UMODL1: variants seen among roughly 807,000 people sequenced by gnomAD.
UMODL1 encodes the protein uromodulin-like 1.
Under a neutral mutation model 136.3 loss-of-function variants are expected in UMODL1, and 128 were observed. That is an observed-to-expected ratio of 0.94 (90% CI 0.81 to 1.09). The LOEUF (loss-of-function observed/expected upper bound fraction) is 1.09, where lower values mean the gene tolerates loss of function less well. Among genes scored for constraint, UMODL1 ranks in the 50% least tolerant of loss-of-function variants. The probability of loss-of-function intolerance (pLI) is 0.00; values close to 1 mark genes in which losing one functional copy is unlikely to be tolerated. For synonymous variants in UMODL1, 721 were observed against 720.0 expected (o/e 1.00, Z -0.02); for missense variants, 1,766 against 1,725.6 (o/e 1.02, Z -0.41).
chr21:42,119,129 G>C lies in UMODL1; in HGVS notation c.2494G>C (p.Ala832Pro), dbSNP rs1359993807. 1.2e-6 allele frequency: 2 copies of C among 1,612,842 alleles called. No homozygotes were observed. Among genetic ancestry groups the C allele is most frequent in the African/African-American group, 2.7e-5 (2 of 74,922 alleles). ...CCCGCAGGTGCGGGGCTCCCTGCCA[G>C]CCACCATGTGTCAGCACATGGACGC... ...FFRMVRGSLP[A>P]TMCQHMDAGG... The change falls in exon 15 of 23, where the codon GCC becomes CCC. Residue 832 changes from alanine (A) to proline (P), a missense_variant. Physicochemically the swap from Ala to Pro is conservative, Grantham distance 27. Coordinates refer to ENST00000408910, the MANE Select transcript of UMODL1 (RefSeq NM_001004416.3).
rs753357342 is a variant in UMODL1 at position 42,099,055 on chromosome 21, G to A, written c.1061G>A (p.Arg354Lys). ...VRVYRGMELLRSARTQSQALA... is the reference protein window; with the variant it reads ...VRVYRGMELLKSARTQSQALA... ...GTTTACCGGGGTATGGAGTTGCTCAGGAGCGCCAGGACACAGAGCCAGGCA... is the reference window on the plus strand; with the variant it reads ...GTTTACCGGGGTATGGAGTTGCTCAAGAGCGCCAGGACACAGAGCCAGGCA... The change falls in exon 7 of 23, where the codon AGG becomes AAG. Residue 354 changes from arginine to lysine, a missense_variant. Physicochemically the swap from Arg to Lys is conservative, Grantham distance 26 (BLOSUM62 2). Coordinates refer to ENST00000408910, the MANE Select transcript of UMODL1 (RefSeq NM_001004416.3). The surrounding 1 kb of genome is among the most constrained non-coding windows in gnomAD (Gnocchi z 4.1). 10 of 1,614,092 alleles carry A rather than the reference G, an allele frequency of 6.2e-6. No homozygotes were observed. Among genetic ancestry groups the A allele is most frequent in the African/African-American group, 1.3e-5 (1 of 74,928 alleles).
At chr21:42,121,324 A>G (rs2066969255) in intron 16 of UMODL1, 100 bp downstream of exon 16, 1 of 1,443,186 alleles carries the variant, frequency 6.9e-7, no homozygotes, top group Admixed American at 2.2e-5. Flanking sequence ...CTGAGGTCAT[A>G]TTTTTATGTC....
rs549087220 is a variant in UMODL1, at chr21:42,072,874, C to T, written c.76+1482C>T. On this transcript the variant is annotated intron_variant, in intron 1 of 22. Transcript: ENST00000408910. ...CTCTGATGGCCCTTGTGGGTCTTTG[C>T]GGGATGGCAGGATCTGCTAACTGCT... Among the ~76,000 whole-genome samples the T allele has an allele frequency of 2.0e-4, 31 of 152,294 alleles. No individual in the cohort carries two copies. In the South Asian group the frequency reaches 5.4e-3, roughly 26 times the overall value.
intron 10 of UMODL1, 115 bp from the exon 11 acceptor site, chr21:42,110,765 C>A: frequency 9.4e-7 from 1 of 1,059,372 alleles, no homozygotes; most frequent in South Asian, 1.7e-5. Context: ...CGTCCCTGGC[C>A]AGGTCCACTC....
In UMODL1 at chr21:42,095,460, T is replaced by TTGTGTG. The variant is rs374448014; in HGVS notation, c.932-3454_932-3449dup. On this transcript the variant is annotated intron_variant, in intron 6 of 22. Coordinates refer to ENST00000408910, the MANE Select transcript of UMODL1 (RefSeq NM_001004416.3). ...TTCCAGCTTCATACCGCCTTCTCCT[T>TTGTGTG]TGTGTGTGTGTGTGTGTCTGTGTAT... Among the ~76,000 whole-genome samples the TTGTGTG allele has an allele frequency of 4.8e-5, 7 of 146,950 alleles. No homozygotes were observed. The South Asian group carries it at 1.3e-3, about 28-fold the overall frequency.
At chr21:42,088,533 C>G (rs940013380) in intron 5 of UMODL1, 53 bp downstream of exon 5, 4 of 1,520,180 alleles carry the variant, frequency 2.6e-6, no homozygotes, top group East Asian at 2.3e-5. Context: ...GGTGCCTGAA[C>G]AGCCAAAATG....
At chr21:42,124,885 G>A (rs1250127673) in intron 17 of UMODL1, among the ~76,000 whole-genome samples, 3 of 152,146 alleles carry the variant, frequency 2.0e-5, no homozygotes, top group African/African-American at 7.2e-5. Context: ...GTCCCTTAGC[G>A]ACCGCATGGG....
chr21:42,128,028 G>T (rs1195130709), intron 20 of UMODL1, 197 bp downstream of exon 20: 1 of 714,058 alleles, frequency 1.4e-6, no homozygotes, highest in Non-Finnish European at 2.5e-6. Context: ...GAGGACTCAT[G>T]TGGACTGGTG....
intron 1 of UMODL1, among the ~76,000 whole-genome samples, chr21:42,063,827 C>T (rs914085479): frequency 3.3e-5 from 5 of 152,176 alleles, no homozygotes; most frequent in South Asian, 2.1e-4. Flanking sequence ...GAAGCCCTTT[C>T]GGAAGCAGCC....
chr21:42,076,743 C>G (rs1016606667), intron 2 of UMODL1, among the ~76,000 whole-genome samples: 1 of 152,184 alleles, frequency 6.6e-6, no homozygotes, highest in Non-Finnish European at 1.5e-5. Flanking sequence ...GAAATGCTTT[C>G]GTAGCCAAAA....
rs940134220 is a variant in UMODL1 at position 42,082,146 on chromosome 21, G to A, written c.320-1938G>A. 2.6e-5 allele frequency among the ~76,000 whole-genome samples: 4 copies of A among 152,208 alleles called. No homozygotes were observed. In the South Asian group the frequency reaches 6.2e-4, roughly 24 times the overall value. On this transcript the variant is annotated intron_variant, in intron 2 of 22. Transcript: ENST00000408910. ...CTGGGTGAGGAGAGCGGGGATGCAG[G>A]CTCTCTGCATATTCCGTGACTCTGG...
rs1476346674 is a variant in UMODL1, at chr21:42,088,331, A to C, written c.641A>C (p.His214Pro). Residue 214 changes from histidine to proline, a missense_variant, in exon 5 of 23, where the codon CAC becomes CCC. His to Pro is a moderately conservative substitution (Grantham distance 77). Coordinates refer to ENST00000408910, the MANE Select transcript of UMODL1 (RefSeq NM_001004416.3). ...CTGCAACCAATGGCCTCCACCGTCC[A>C]CCACCTGCACTCAGCCCCTGGGAAC... ...SALQPMASTV[H>P]HLHSAPGNAS... The C allele has an allele frequency of 1.9e-6, 3 of 1,613,642 alleles. No individual in the cohort carries two copies. In the Admixed American group the frequency reaches 5.0e-5, roughly 27 times the overall value.
intron 9 of UMODL1, chr21:42,108,626 C>T (rs1486147876): frequency 3.0e-6 from 1 of 338,320 alleles, no homozygotes; most frequent in Non-Finnish European, 5.9e-6. Context: ...CCTCCACCCG[C>T]AGCTCTACAG....
chr21:42,100,714 C>G (rs1192231026), intron 7 of UMODL1, among the ~76,000 whole-genome samples: 1 of 146,116 alleles, frequency 6.8e-6, no homozygotes, highest in African/African-American at 2.6e-5. Flanking sequence ...TCCCTCCCCA[C>G]CCCAGCAACC....
At chr21:42,101,482 G>A (rs980155424) in intron 7 of UMODL1, among the ~76,000 whole-genome samples, 4 of 152,270 alleles carry the variant, frequency 2.6e-5, no homozygotes, top group Non-Finnish European at 2.9e-5. Flanking sequence ...AGCCAGGGTG[G>A]GGCACAGCTG....
chr21:42,122,961 C>T lies in UMODL1; in HGVS notation c.2958C>T (p.Thr986=), dbSNP rs372338276. ...GCCTGCCCCAGCGGCTGAACCTGAC[C>T]GGAGCAGTCAGGGTGCTCTGTGAGA... ...PQGLPQRLNL[T]GAVRVLCEIE... is the part of the protein sequence containing the mutation. Residue 986 remains threonine, a synonymous_variant, in exon 17 of 23, where the codon ACC becomes ACT. Coordinates refer to ENST00000408910, the MANE Select transcript of UMODL1 (RefSeq NM_001004416.3). This position sits in a 1 kb window ranked among gnomAD's most constrained non-coding sequence, Gnocchi z 4.3. The T allele has an allele frequency of 5.8e-5, 94 of 1,613,944 alleles. No homozygotes were observed. In the East Asian group the frequency reaches 6.9e-4, roughly 12 times the overall value.
intron 9 of UMODL1, among the ~76,000 whole-genome samples, chr21:42,104,347 G>A (rs2066683488): frequency 6.6e-6 from 1 of 152,196 alleles, no homozygotes; most frequent in African/African-American, 2.4e-5. Context: ...AGTTCACTGT[G>A]TCTGTCGTCA....
intron 2 of UMODL1, among the ~76,000 whole-genome samples, chr21:42,079,003 G>A (rs1285571981): frequency 2.0e-5 from 3 of 152,248 alleles, no homozygotes; most frequent in Non-Finnish European, 2.9e-5. Flanking sequence ...CACAGGTGCT[G>A]GTGCCACGGC....
chr21:42,111,160 G>A (rs773809647), intron 11 of UMODL1, 39 bp downstream of exon 11: 124 of 1,586,964 alleles, frequency 7.8e-5, no homozygotes, highest in Non-Finnish European at 1.0e-4. Flanking sequence ...TGGACCAGGG[G>A]AGCCCCAGCC....
Sources: gnomAD v4.1 joint callset for allele counts (sites outside exome capture counted in the v4.1 genomes callset) on GRCh38, gnomAD v4.1.1 for gene constraint, Gnocchi (gnomAD v3.1) non-coding constraint, MANE v1.5 for transcripts, NCBI Gene and HGNC (gene_info 2026-07-23, HGNC 2026-07-21) for gene names.